The following ST8SIA4 variants were observed in gnomAD, a reference collection of about 807,000 sequenced individuals.
The protein encoded by ST8SIA4 is CMP-N-acetylneuraminate-poly-alpha-2,8-sialyltransferase.
Under a neutral mutation model 33.9 loss-of-function variants are expected in ST8SIA4, and 15 were observed. The observed-to-expected ratio is 0.44, with a 90% CI of 0.30 to 0.68. The LOEUF is 0.68. ST8SIA4 is among the 30% of genes least tolerant of loss of function. The probability of loss-of-function intolerance (pLI) is 0.10; values close to 1 mark genes in which losing one functional copy is unlikely to be tolerated. For missense variants in ST8SIA4, 321 were observed against 428.0 expected, an observed-to-expected ratio of 0.75 and a Z score of 2.21; for synonymous variants, 171 against 151.2, an observed-to-expected ratio of 1.13 and a Z score of -0.96.
intron 4 of ST8SIA4, among the ~76,000 whole-genome samples, chr5:100,828,887 G>T (rs1751195734): frequency 6.6e-6 from 1 of 152,062 alleles, no homozygotes; most frequent in Non-Finnish European, 1.5e-5. Flanking sequence ...AGACTGAGAA[G>T]AATTTTCATT....
intron 4 of ST8SIA4, among the ~76,000 whole-genome samples, chr5:100,850,341 G>A (rs1219029054): frequency 1.3e-5 from 2 of 151,594 alleles, no homozygotes; most frequent in African/African-American, 2.4e-5. Context: ...TTAATTTAAT[G>A]AGAGCATAAC....
chr5:100,843,105 T>C (rs561522434), intron 4 of ST8SIA4, among the ~76,000 whole-genome samples: 129 of 152,036 alleles, frequency 8.5e-4, no homozygotes, highest in African/African-American at 2.9e-3. Flanking sequence ...ATAAGCTATT[T>C]ACCTAAGAAT....
chr5:100,821,090 G>T (rs1290657875), intron 4 of ST8SIA4, among the ~76,000 whole-genome samples: 2 of 151,718 alleles, frequency 1.3e-5, no homozygotes, highest in African/African-American at 4.8e-5. Flanking sequence ...TCTGAAGCAT[G>T]ATGAAGGAGT....
intron 1 of ST8SIA4, among the ~76,000 whole-genome samples, chr5:100,901,018 C>G (rs568488091): frequency 6.6e-6 from 1 of 152,342 alleles, no homozygotes; most frequent in African/African-American, 2.4e-5. Flanking sequence ...GCCCGACTAG[C>G]TCAACCGCCG....
In ST8SIA4 at chr5:100,895,703, G is replaced by T; in HGVS notation, c.196C>A (p.His66Asn). The T allele has an allele frequency of 1.2e-6, 2 of 1,612,826 alleles. No individual in the cohort carries two copies. The highest frequency in any genetic ancestry group is 1.1e-5 in the South Asian group (1 of 91,028). The change falls in exon 2 of 5, where the codon CAC becomes AAC. Residue 66 changes from histidine (H) to asparagine (N), a missense_variant. By Grantham distance (68) the His-to-Asn change is moderately conservative (BLOSUM62 1). Transcript: ENST00000231461. ...TTGATTTTCCAACCTTCTACATTGT[G>T]CTGGAAGATTGAAGAGCCAGCCTTT... ...IRKAGSSIFQ[H>N]NVEGWKINSS... is the part of the protein sequence containing the mutation.
At chr5:100,890,273 C>G (rs536839605) in intron 2 of ST8SIA4, among the ~76,000 whole-genome samples, 15 of 151,854 alleles carry the variant, frequency 9.9e-5, no homozygotes, top group African/African-American at 2.4e-4. Context: ...TGTGAATTTG[C>G]TAAGTCTAGT....
chr5:100,836,995 AACACACACACACAC>A (rs143119843), intron 4 of ST8SIA4, among the ~76,000 whole-genome samples: 6 of 146,398 alleles, frequency 4.1e-5, no homozygotes, highest in Non-Finnish European at 6.0e-5. Flanking sequence ...TTAGTGCTAA[AACACACACACACAC>A]ACACACACAC....
chr5:100,815,822 G>C (rs1009481805), intron 4 of ST8SIA4, among the ~76,000 whole-genome samples: 1 of 152,062 alleles, frequency 6.6e-6, no homozygotes, highest in East Asian at 1.9e-4. Context: ...CTTCTTTGGA[G>C]CCCAGTTAAC....
chr5:100,842,202 TTC>T (rs1158895707), intron 4 of ST8SIA4, among the ~76,000 whole-genome samples: 1 of 151,936 alleles, frequency 6.6e-6, no homozygotes, highest in Non-Finnish European at 1.5e-5. Context: ...TATTTATATA[TTC>T]TGTGTTATTT....
rs967239393 is a variant in ST8SIA4, at chr5:100,810,285, G to A, written c.*1562C>T. ...ACTAAATTTAACTACAGAAAATATC[G>A]GTCAATTAAATTCATTTTAAATGCA... On this transcript the variant is annotated 3_prime_UTR_variant, in exon 5 of 5. Coordinates refer to ENST00000231461, the MANE Select transcript of ST8SIA4 (RefSeq NM_005668.6). The A allele has an allele frequency of 2.6e-5, 4 of 151,778 alleles. No individual in the cohort carries two copies. Among genetic ancestry groups the A allele is most frequent in the East Asian group, 3.8e-4 (2 of 5,200 alleles). The allele number at this position is 151,778 out of a possible 1,614,324, so 9.4% of individuals were successfully genotyped here.
Position 100,807,773 on chromosome 5 carries a change from T to G in ST8SIA4, c.*4074A>C, listed in dbSNP as rs1277890216. 6.6e-6 allele frequency: 1 copy of G among 152,526 alleles called. No individual in the cohort carries two copies. Among genetic ancestry groups the G allele is most frequent in the Non-Finnish European group, 1.5e-5 (1 of 67,958 alleles). The allele number at this position is 152,526 out of a possible 1,614,324, so 9.4% of individuals were successfully genotyped here. On this transcript the variant is annotated 3_prime_UTR_variant, in exon 5 of 5. Transcript: ENST00000231461. ...TGAAGATGTTAGCATAACACAAATT[T>G]AGTGTATACATATTACAGACTCAGT...
chr5:100,843,771 A>G (rs191192771), intron 4 of ST8SIA4, among the ~76,000 whole-genome samples: 1 of 152,080 alleles, frequency 6.6e-6, no homozygotes, highest in African/African-American at 2.4e-5. Flanking sequence ...TTGCTCCAAC[A>G]TATTTTCCAC....
chr5:100,851,500 C>T (rs1751697248), intron 4 of ST8SIA4, among the ~76,000 whole-genome samples: 1 of 151,384 alleles, frequency 6.6e-6, no homozygotes, highest in South Asian at 2.1e-4. Context: ...ATATACTTTC[C>T]TATTAAAAAA....
intron 4 of ST8SIA4, among the ~76,000 whole-genome samples, chr5:100,850,670 C>T (rs1263213798): frequency 6.6e-6 from 1 of 151,668 alleles, no homozygotes; most frequent in Non-Finnish European, 1.5e-5. Context: ...CAGAAGGGAA[C>T]ATATTATACA....
Position 100,811,911 on chromosome 5 carries a change from G to A in ST8SIA4, c.1016C>T (p.Thr339Ile), listed in dbSNP as rs141895424. The A allele has an allele frequency of 1.9e-6, 3 of 1,613,980 alleles. No individual in the cohort carries two copies. In the African/African-American group the frequency reaches 4.0e-5, roughly 22 times the overall value. ...SPHRMPLEFK[T>I]LNVLHNRGAL... ...TCCTCTATTATGTAGCACATTTAAT[G>A]TTTTGAATTCTAATGGCATTCTGTG... Residue 339 changes from threonine to isoleucine, a missense_variant, in exon 5 of 5, where the codon ACA (threonine) becomes ATA (isoleucine). Coordinates refer to ENST00000231461, the MANE Select transcript of ST8SIA4 (RefSeq NM_005668.6).
intron 4 of ST8SIA4, among the ~76,000 whole-genome samples, chr5:100,813,584 A>G (rs1337780574): frequency 3.3e-5 from 5 of 152,024 alleles, no homozygotes; most frequent in Non-Finnish European, 7.4e-5. Context: ...TAACTCATAC[A>G]CTATAAACAC....
chr5:100,835,865 G>T (rs1751353749), intron 4 of ST8SIA4, among the ~76,000 whole-genome samples: 1 of 152,042 alleles, frequency 6.6e-6, no homozygotes, highest in South Asian at 2.1e-4. Flanking sequence ...AGATATAGAA[G>T]TAAAAAGGAA....
At chr5:100,815,116 C>T (rs981955552) in intron 4 of ST8SIA4, among the ~76,000 whole-genome samples, 1 of 151,960 alleles carries the variant, frequency 6.6e-6, no homozygotes, top group African/African-American at 2.4e-5. Flanking sequence ...CAAAATTTTA[C>T]ATTCAAACAA....
chr5:100,864,292 G>T (rs956720170), intron 3 of ST8SIA4, among the ~76,000 whole-genome samples: 1 of 151,870 alleles, frequency 6.6e-6, no homozygotes, highest in Admixed American at 6.6e-5. Flanking sequence ...TTATAAAAGC[G>T]GGCCGGGTGC....
Sources: allele counts gnomAD v4.1 joint callset (sites outside exome capture counted in the v4.1 genomes callset), GRCh38; gene constraint gnomAD v4.1.1; transcripts MANE v1.5; gene names NCBI Gene and HGNC (gene_info 2026-07-23, HGNC 2026-07-21).